Variants in TTLL11 observed in about 807,000 individuals in gnomAD.
The protein encoded by TTLL11 is tubulin polyglutamylase TTLL11.
Under a neutral mutation model 51.7 loss-of-function variants are expected in TTLL11, and 42 were observed. The ratio of observed to expected loss-of-function variants is 0.81; its 90% CI spans 0.64 to 1.05. The LOEUF is 1.05. Among genes scored for constraint, TTLL11 ranks in the 50% least tolerant of loss-of-function variants. TTLL11 has a pLI of 0.00. For synonymous variants in TTLL11, 381 were observed against 383.5 expected, an observed-to-expected ratio of 0.99 and a Z score of 0.08; for missense variants, 799 against 940.4, an observed-to-expected ratio of 0.85 and a Z score of 1.97.
chr9:122,014,292 G>A (rs189993473), intron 3 of TTLL11, among the ~76,000 whole-genome samples: 570 of 152,130 alleles, frequency 3.7e-3, no homozygotes, highest in Admixed American at 8.5e-3. Context: ...TCGAACCCAG[G>A]AGGCAGAGGT....
chr9:121,840,461 T>C (rs1358293984), intron 8 of TTLL11, among the ~76,000 whole-genome samples: 1 of 152,228 alleles, frequency 6.6e-6, no homozygotes, highest in Non-Finnish European at 1.5e-5. Context: ...AGTGGCTTGA[T>C]GTTGGCTCAC....
At chr9:121,967,591 T>C (rs1176189245) in intron 6 of TTLL11, among the ~76,000 whole-genome samples, 1 of 152,108 alleles carries the variant, frequency 6.6e-6, no homozygotes, top group Non-Finnish European at 1.5e-5. Context: ...CTTTTAGCAA[T>C]AAATGAGGAG....
At chr9:122,055,736 T>C (rs1032157136) in intron 1 of TTLL11, among the ~76,000 whole-genome samples, 5 of 152,188 alleles carry the variant, frequency 3.3e-5, no homozygotes, top group African/African-American at 1.2e-4. Flanking sequence ...AAATTTCCAG[T>C]CAAAGCTCCA....
chr9:122,026,479 A>G (rs1844345816), intron 3 of TTLL11, among the ~76,000 whole-genome samples: 1 of 152,038 alleles, frequency 6.6e-6, no homozygotes, highest in Non-Finnish European at 1.5e-5. Flanking sequence ...AAGGATTACA[A>G]AGGGACACGA....
intron 4 of TTLL11, among the ~76,000 whole-genome samples, chr9:121,975,786 G>A (rs1842693280): frequency 6.6e-6 from 1 of 152,126 alleles, no homozygotes; most frequent in Non-Finnish European, 1.5e-5. Context: ...GAACCCAGGT[G>A]AATGTATTTT....
intron 1 of TTLL11, among the ~76,000 whole-genome samples, chr9:122,060,261 T>A (rs193066164): frequency 1.3e-5 from 2 of 152,366 alleles, no homozygotes; most frequent in Non-Finnish European, 1.5e-5. Flanking sequence ...TTCACTTTCC[T>A]GAGGCTAGAC....
At position 121,870,681 on chromosome 9, in the gene TTLL11, G is replaced by A. The variant is rs1457712183; in HGVS notation, c.1549C>T (p.Pro517Ser). 6.4e-7 allele frequency: 1 copy of A among 1,551,624 alleles called. No individual in the cohort carries two copies. Among genetic ancestry groups the A allele is most frequent in the Non-Finnish European group, 8.7e-7 (1 of 1,147,014 alleles). Residue 517 changes from proline (P) to serine (S), a missense_variant, in exon 7 of 9, where the codon CCA becomes TCA. By Grantham distance (74) the Pro-to-Ser change is moderately conservative (BLOSUM62 -1). This residue lies in a region of TTLL11 where 468 missense variants were observed against 612.8 expected (regional missense o/e 0.76). Transcript: ENST00000321582. ...DALDGELTSAPDCNANPEAHL... is the reference protein window; with the variant it reads ...DALDGELTSASDCNANPEAHL... The stretch of plus-strand genomic sequence containing the variant: ...GCTTCGGGGTTGGCGTTGCAGTCTG[G>A]AGCACTGGTCAGCTCGCCGTCCAAA...
chr9:121,913,554 T>C (rs1349005535), intron 6 of TTLL11, among the ~76,000 whole-genome samples: 1 of 152,252 alleles, frequency 6.6e-6, no homozygotes, highest in African/African-American at 2.4e-5. Flanking sequence ...TTATCTTTCA[T>C]ACCTGGTGAT....
At chr9:122,016,661 A>G (rs940443799) in intron 3 of TTLL11, among the ~76,000 whole-genome samples, 2 of 152,154 alleles carry the variant, frequency 1.3e-5, no homozygotes, top group African/African-American at 4.8e-5. Flanking sequence ...GAATCAATAA[A>G]CACTAACTTG....
chr9:121,989,222 C>A lies in TTLL11; in HGVS notation c.1242G>T (p.Thr414=), dbSNP rs144762491. The A allele has an allele frequency of 6.2e-7, 1 of 1,614,074 alleles. No homozygotes were observed. Among genetic ancestry groups the A allele is most frequent in the Non-Finnish European group, 8.5e-7 (1 of 1,179,944 alleles). The change falls in exon 4 of 9, where the codon ACG becomes ACT. Residue 414 remains threonine (T), a synonymous_variant. Coordinates refer to ENST00000321582, the MANE Select transcript of TTLL11 (RefSeq NM_001139442.2). This position sits in a 1 kb window ranked among gnomAD's most constrained non-coding sequence, Gnocchi z 4.2. ...LKVFYQSDIP[T]GRPGPTCFQI... ...GGAAGCACGTGGGGCCCGGCCTCCCCGTGGGGATGTCTGACTGGTAGAAGA... is the reference window on the plus strand; with the variant it reads ...GGAAGCACGTGGGGCCCGGCCTCCCAGTGGGGATGTCTGACTGGTAGAAGA...
chr9:121,826,559 A>ATATATATATATATATATATATGTGTG (rs1836808514), intron 8 of TTLL11, among the ~76,000 whole-genome samples: 1 of 88,764 alleles, frequency 1.1e-5, no homozygotes, highest in African/African-American at 5.6e-5. Flanking sequence ...ATGTGTGTGT[A>ATATATATATATATATATATATGTGTG]TATATATATA....
At chr9:121,907,367 T>C (rs1839982204) in intron 6 of TTLL11, among the ~76,000 whole-genome samples, 1 of 151,874 alleles carries the variant, frequency 6.6e-6, no homozygotes, top group Non-Finnish European at 1.5e-5. Flanking sequence ...GGAGAATAGC[T>C]TGAACCCTGG....
intron 6 of TTLL11, among the ~76,000 whole-genome samples, chr9:121,954,103 C>T (rs1054575875): frequency 2.0e-5 from 3 of 152,218 alleles, no homozygotes; most frequent in African/African-American, 2.4e-5. Context: ...GAAAGAACCA[C>T]GTTAGTGGCA....
chr9:121,833,855 T>C (rs1478925136), intron 8 of TTLL11, among the ~76,000 whole-genome samples: 1 of 152,234 alleles, frequency 6.6e-6, no homozygotes, highest in Non-Finnish European at 1.5e-5. Flanking sequence ...TTTCTTCCTC[T>C]TAAAAATACC....
At chr9:121,925,130 T>A (rs1192969604) in intron 6 of TTLL11, among the ~76,000 whole-genome samples, 1 of 152,190 alleles carries the variant, frequency 6.6e-6, no homozygotes, top group African/African-American at 2.4e-5. Flanking sequence ...ATCTCTAATG[T>A]CACCGGCAGA....
chr9:121,863,812 T>G (rs1289091900), intron 7 of TTLL11, among the ~76,000 whole-genome samples: 1 of 152,196 alleles, frequency 6.6e-6, no homozygotes, highest in Admixed American at 6.5e-5. Context: ...ATGCTGAGGC[T>G]CAAGAGATGG....
rs540613481 is a variant in TTLL11 at position 121,853,911 on chromosome 9, C to T, written c.1840+6426G>A. 3.9e-5 allele frequency among the ~76,000 whole-genome samples: 6 copies of T among 152,334 alleles called. No individual in the cohort carries two copies. The South Asian group carries it at 8.3e-4, about 21-fold the overall frequency. On this transcript the variant is annotated intron_variant, in intron 8 of 8. Coordinates refer to ENST00000321582, the MANE Select transcript of TTLL11 (RefSeq NM_001139442.2). The surrounding 1 kb of genome is among the most constrained non-coding windows in gnomAD (Gnocchi z 5.6). ...GGCAGGGGTAGGTGCCCCAGAAGCACTTCCCGAGAAAGTAGTGCAGTAGGA... is the reference window on the plus strand; with the variant it reads ...GGCAGGGGTAGGTGCCCCAGAAGCATTTCCCGAGAAAGTAGTGCAGTAGGA...
chr9:121,909,630 T>C (rs556507011), intron 6 of TTLL11, among the ~76,000 whole-genome samples: 2 of 152,298 alleles, frequency 1.3e-5, no homozygotes, highest in Admixed American at 6.5e-5. Context: ...ATTCCAGGCA[T>C]TGTGTTGGGA....
intron 3 of TTLL11, among the ~76,000 whole-genome samples, chr9:122,008,905 C>G (rs1220139257): frequency 6.6e-6 from 1 of 152,080 alleles, no homozygotes; most frequent in African/African-American, 2.4e-5. Flanking sequence ...CTTGGATGAA[C>G]CTGAAGGACG....
Sources: gnomAD v4.1 joint callset for allele counts (sites outside exome capture counted in the v4.1 genomes callset) on GRCh38, gnomAD v4.1.1 for gene constraint, gnomAD v4.1.1 regional missense constraint, Gnocchi (gnomAD v3.1) non-coding constraint, MANE v1.5 for transcripts, NCBI Gene and HGNC (gene_info 2026-07-23, HGNC 2026-07-21) for gene names.